Variants in PGAP1 observed in about 807,000 individuals in gnomAD.
PGAP1 encodes the protein post-GPI attachment to proteins inositol deacylase 1.
A neutral mutation model predicts 127.0 loss-of-function variants in PGAP1; 76 were observed. The ratio of observed to expected loss-of-function variants is 0.60; its 90% CI spans 0.50 to 0.72. The LOEUF is 0.72. PGAP1 is among the 30% of genes least tolerant of loss of function. The pLI is 0.00. For missense variants in PGAP1, 982 were observed against 1,071.3 expected, an observed-to-expected ratio of 0.92 and a Z score of 1.16; for synonymous variants, 362 against 366.5, an observed-to-expected ratio of 0.99 and a Z score of 0.14.
chr2:196,925,190 CACAAAT>C, intron 1 of PGAP1, among the ~76,000 whole-genome samples: 1 of 152,238 alleles, frequency 6.6e-6, no homozygotes, highest in Admixed American at 6.5e-5. Flanking sequence ...AGGATCTAAA[CACAAAT>C]GAAATCTAAA....
chr2:196,918,912 C>T (rs1430475597), intron 2 of PGAP1, among the ~76,000 whole-genome samples: 1 of 152,138 alleles, frequency 6.6e-6, no homozygotes, highest in Non-Finnish European at 1.5e-5. Flanking sequence ...ATTTTTCTTA[C>T]CCAAAGCTCT....
At chr2:196,845,138 A>C (rs767435972) in intron 23 of PGAP1, among the ~76,000 whole-genome samples, 5 of 152,028 alleles carry the variant, frequency 3.3e-5, no homozygotes, top group African/African-American at 4.8e-5. Flanking sequence ...AATTTAAAAA[A>C]TACTAAAATT....
chr2:196,870,012 CAATT>C (rs1319917923), intron 19 of PGAP1, among the ~76,000 whole-genome samples: 4 of 152,154 alleles, frequency 2.6e-5, no homozygotes, highest in Non-Finnish European at 5.9e-5. Context: ...CCTAACTAAT[CAATT>C]GTTATCTTAT....
chr2:196,876,797 AAAAC>A (rs1701582990), intron 13 of PGAP1, among the ~76,000 whole-genome samples: 1 of 152,080 alleles, frequency 6.6e-6, no homozygotes, highest in South Asian at 2.1e-4. Flanking sequence ...TCAAAAGTGA[AAAAC>A]AGACAGGGAA....
intron 19 of PGAP1, among the ~76,000 whole-genome samples, chr2:196,868,122 C>CCA (rs1446036688): frequency 1.3e-5 from 2 of 152,136 alleles, no homozygotes; most frequent in East Asian, 3.8e-4. Context: ...TCCCTTCTCT[C>CCA]TATATATATC....
chr2:196,888,948 A>C (rs1702007799), intron 10 of PGAP1, among the ~76,000 whole-genome samples: 1 of 152,192 alleles, frequency 6.6e-6, no homozygotes, highest in South Asian at 2.1e-4. Flanking sequence ...CAGAGTATTG[A>C]TAACTGTTAA....
intron 10 of PGAP1, among the ~76,000 whole-genome samples, chr2:196,886,498 T>C (rs1329681307): frequency 6.6e-6 from 1 of 152,110 alleles, no homozygotes; most frequent in Non-Finnish European, 1.5e-5. Flanking sequence ...TTCCTAATTA[T>C]TGAACCAAAA....
Position 196,841,186 on chromosome 2 carries a change from A to G in PGAP1, c.*48T>C, listed in dbSNP as rs1700400534. 2 of 1,554,658 alleles carry G rather than the reference A, an allele frequency of 1.3e-6. No individual in the cohort carries two copies. The highest frequency in any genetic ancestry group is 2.3e-5 in the East Asian group (1 of 43,310). On this transcript the variant is annotated 3_prime_UTR_variant, in exon 27 of 27. Coordinates refer to ENST00000354764, the MANE Select transcript of PGAP1 (RefSeq NM_024989.4). Reference sequence around the variant, plus strand: ...ATGGATCTGTGTGTTCCCTCTTATCACTGGCCCTAAACACATAAATTATCT... The same window carrying G: ...ATGGATCTGTGTGTTCCCTCTTATCGCTGGCCCTAAACACATAAATTATCT...
rs758600595 is a variant in PGAP1, at chr2:196,848,035, A to G, written c.1864T>C (p.Cys622Arg). 6.3e-7 allele frequency: 1 copy of G among 1,592,324 alleles called. No homozygotes were observed. Among genetic ancestry groups the G allele is most frequent in the African/African-American group, 1.4e-5 (1 of 73,864 alleles). The change falls in exon 21 of 27, where the codon TGT becomes CGT. Residue 622 changes from cysteine to arginine, a missense_variant and splice_region_variant. Coordinates refer to ENST00000354764, the MANE Select transcript of PGAP1 (RefSeq NM_024989.4). Reference sequence around the variant, plus strand: ...AACATGGTAGCATATTCTAAGCAACAACCTGGTGATTTAAAAAAAGTTACA... The same window carrying G: ...AACATGGTAGCATATTCTAAGCAACGACCTGGTGATTTAAAAAAAGTTACA... ...GQLYSLFSTG[C>R]CLEYATMLDK... is the part of the protein sequence containing the mutation.
At chr2:196,880,175 CTACTT>C (rs1559350415) in intron 12 of PGAP1, 22 bp from the exon 13 acceptor site, 8 of 1,351,374 alleles carry the variant, frequency 5.9e-6, no homozygotes, top group Non-Finnish European at 8.1e-6. Context: ...AAAAAAGAAA[CTACTT>C]TTATTTCTTA....
At position 196,875,757 on chromosome 2, in the gene PGAP1, A is replaced by G. The variant is rs1701546760; in HGVS notation, c.1415T>C (p.Leu472Pro). 3 of 1,538,766 alleles carry G rather than the reference A, an allele frequency of 1.9e-6. No homozygotes were observed. Among genetic ancestry groups the G allele is most frequent in the Non-Finnish European group, 2.7e-6 (3 of 1,116,662 alleles). Reference protein sequence around the residue: ...KRYIQLPVTHLFSFGLSSRKV... With the variant: ...KRYIQLPVTHPFSFGLSSRKV... ...AACAAAGTACTTACCAAAGGAAAAAAGATGAGTTACAGGAAGCTGTATGTA... is the reference window on the plus strand; with the variant it reads ...AACAAAGTACTTACCAAAGGAAAAAGGATGAGTTACAGGAAGCTGTATGTA... Residue 472 changes from leucine to proline, a missense_variant, in exon 14 of 27, where the codon CTT becomes CCT. Leu to Pro is a moderately conservative substitution (Grantham distance 98). Coordinates refer to ENST00000354764, the MANE Select transcript of PGAP1 (RefSeq NM_024989.4).
At chr2:196,847,321 T>C (rs1471573783) in intron 21 of PGAP1, 121 bp from the exon 22 acceptor site, 2 of 715,038 alleles carry the variant, frequency 2.8e-6, no homozygotes, top group Non-Finnish European at 4.5e-6. Flanking sequence ...AATTTATAAT[T>C]ATACTGAAAA....
rs1702072175 is a variant in PGAP1, at chr2:196,890,837, GCT to G, written c.1162_1163del (p.Ser388HisfsTer7). 1 of 1,531,972 alleles carries G rather than the reference GCT, an allele frequency of 6.5e-7. No individual in the cohort carries two copies. 94.9% of individuals were successfully genotyped at this position (1,531,972 alleles called of 1,614,324 possible). ...GTACCAATTATCTTACCAGCATAGT[GCT>G]CTGACAATAGACATGAGTGTAGATT... ...RKIYTHVYCQ[S>X]TMLDTNSWIF... On this transcript the variant is annotated frameshift_variant, in exon 10 of 27. Transcript: ENST00000354764. LOFTEE classifies it high-confidence loss of function.
chr2:196,848,009 C>T lies in PGAP1; in HGVS notation c.1890G>A (p.Leu630=). The T allele has an allele frequency of 1.2e-6, 2 of 1,600,624 alleles. No individual in the cohort carries two copies. Among genetic ancestry groups the T allele is most frequent in the Non-Finnish European group, 1.7e-6 (2 of 1,175,066 alleles). Reference sequence around the variant, plus strand: ...CTTTGTATGGTTTGGCTTCTTTATCCAACATGGTAGCATATTCTAAGCAAC... The same window carrying T: ...CTTTGTATGGTTTGGCTTCTTTATCTAACATGGTAGCATATTCTAAGCAAC... ...TGCCLEYATM[L]DKEAKPYKVD... Residue 630 remains leucine (L), a synonymous_variant, in exon 21 of 27, where the codon TTG becomes TTA. Transcript: ENST00000354764.
At chr2:196,926,359 C>G (rs1433070188) in intron 1 of PGAP1, 111 bp downstream of exon 1, 1 of 1,530,194 alleles carries the variant, frequency 6.5e-7, no homozygotes, top group East Asian at 2.3e-5. Flanking sequence ...GAGGACGGGA[C>G]AGGGGGCCCG....
intron 12 of PGAP1, among the ~76,000 whole-genome samples, chr2:196,881,727 G>A (rs1198415931): frequency 6.6e-6 from 1 of 152,004 alleles, no homozygotes; most frequent in Non-Finnish European, 1.5e-5. Flanking sequence ...TTTTTATCTT[G>A]TAAATTTGTT....
intron 3 of PGAP1, among the ~76,000 whole-genome samples, chr2:196,914,349 G>A (rs1354656968): frequency 1.3e-5 from 2 of 152,090 alleles, no homozygotes; most frequent in Admixed American, 6.6e-5. Context: ...GGCCAGGTCC[G>A]GTGGCTCACA....
chr2:196,872,982 C>A lies in PGAP1; in HGVS notation c.1597G>T (p.Glu533Ter). 9.3e-7 allele frequency: 1 copy of A among 1,076,884 alleles called. No individual in the cohort carries two copies. Among genetic ancestry groups the A allele is most frequent in the South Asian group, 1.5e-5 (1 of 68,034 alleles). The allele number at this position is 1,076,884 out of a possible 1,614,324, so 66.7% of individuals were successfully genotyped here. Residue 533 changes from glutamate (E) to a stop codon, truncating the protein, a stop_gained, in exon 17 of 27, where the codon GAA (glutamate) becomes TAA (stop). Coordinates refer to ENST00000354764, the MANE Select transcript of PGAP1 (RefSeq NM_024989.4). LOFTEE classifies it high-confidence loss of function. ...TACTGTGCAATGGTTAGTGAATCTTCATAAGACCAAGGAATATGAAGTCTA... is the reference window on the plus strand; with the variant it reads ...TACTGTGCAATGGTTAGTGAATCTTAATAAGACCAAGGAATATGAAGTCTA... ...IYRLHIPWSY[E>*]DSLTIAQAPS...
rs368585611 is a variant in PGAP1, at chr2:196,834,666, G to C, written c.*6568C>G. ...AACATAATTTCCTAATTTATATACA[G>C]TATAAATCGGGAGTTTTTTTTCCAC... On this transcript the variant is annotated 3_prime_UTR_variant, in exon 27 of 27. Transcript: ENST00000354764. 1 of 151,958 alleles carries C rather than the reference G, an allele frequency of 6.6e-6. No homozygotes were observed. The highest frequency in any genetic ancestry group is 1.9e-4 in the East Asian group (1 of 5,184). 9.4% of individuals were successfully genotyped at this position (151,958 alleles called of 1,614,324 possible). A position where few individuals can be genotyped will look rare whatever the true frequency, so the allele number is the denominator to read the frequency against.
Sources: allele counts gnomAD v4.1 joint callset (sites outside exome capture counted in the v4.1 genomes callset), GRCh38; gene constraint gnomAD v4.1.1; transcripts MANE v1.5; gene names NCBI Gene and HGNC (gene_info 2026-07-23, HGNC 2026-07-21).